Variants in USP49 observed in about 807,000 individuals in gnomAD.
USP49 encodes the protein ubiquitin specific peptidase 49.
In USP49, 24 loss-of-function variants were observed where a neutral mutation model predicts 58.6. That is an observed-to-expected ratio of 0.41 (90% confidence interval 0.30 to 0.58). The LOEUF is 0.58. Ranked by LOEUF, USP49 falls within the 20% of genes least tolerant of loss-of-function variation. The probability of loss-of-function intolerance (pLI) is 0.30; values close to 1 mark genes in which losing one functional copy is unlikely to be tolerated. For missense variants in USP49, 703 were observed against 866.1 expected (o/e 0.81, Z 2.36); for synonymous variants, 408 against 365.1 (o/e 1.12, Z -1.34).
At chr6:41,857,323 T>G (rs1050550688) in intron 3 of USP49, among the ~76,000 whole-genome samples, 2 of 152,332 alleles carry the variant, frequency 1.3e-5, no homozygotes, top group African/African-American at 4.8e-5. Flanking sequence ...GCGTATTATC[T>G]CCTTTTAACC....
intron 1 of USP49, among the ~76,000 whole-genome samples, chr6:41,892,883 A>C (rs190664715): frequency 6.6e-6 from 1 of 152,368 alleles, no homozygotes; most frequent in East Asian, 1.9e-4. Context: ...ATGCAAAACA[A>C]ATATTCATTC....
chr6:41,854,594 T>C (rs770151573), intron 3 of USP49, among the ~76,000 whole-genome samples: 2 of 152,220 alleles, frequency 1.3e-5, no homozygotes, highest in Non-Finnish European at 2.9e-5. Flanking sequence ...ATGTCTCCAA[T>C]GTTCTTGGTG....
At chr6:41,855,960 A>G (rs1271946284) in intron 3 of USP49, among the ~76,000 whole-genome samples, 2 of 152,158 alleles carry the variant, frequency 1.3e-5, no homozygotes, top group African/African-American at 2.4e-5. Context: ...AGGCAGGAGG[A>G]TCGCTTGAAC....
intron 2 of USP49, among the ~76,000 whole-genome samples, chr6:41,880,817 G>A (rs374117167): frequency 1.0e-3 from 159 of 152,160 alleles, no homozygotes; most frequent in Middle Eastern, 3.4e-3. Flanking sequence ...GAAAACAGGG[G>A]GTTCTCCGTA....
intron 3 of USP49, among the ~76,000 whole-genome samples, chr6:41,816,850 G>A (rs1014548222): frequency 3.3e-5 from 5 of 150,674 alleles, no homozygotes; most frequent in South Asian, 2.1e-4. Context: ...AAGCACAGGC[G>A]CGCACCACCA....
intron 3 of USP49, among the ~76,000 whole-genome samples, chr6:41,817,004 C>CTAT (rs893701154): frequency 6.6e-6 from 1 of 151,342 alleles, no homozygotes; most frequent in Non-Finnish European, 1.5e-5. Context: ...CTGCACCTGG[C>CTAT]TATTATTATT....
intron 3 of USP49, among the ~76,000 whole-genome samples, chr6:41,847,653 G>T (rs139979610): frequency 0.017 from 2,560 of 152,150 alleles, 56 homozygotes; most frequent in African/African-American, 0.051. Context: ...GGCGGAGGTT[G>T]CAGTGAGCCA....
At chr6:41,800,833 A>C (rs1449429976) in intron 5 of USP49, among the ~76,000 whole-genome samples, 2 of 152,250 alleles carry the variant, frequency 1.3e-5, no homozygotes, top group Non-Finnish European at 2.9e-5. Context: ...TCAAACATTT[A>C]GAAAATAAAC....
rs1354416071 is a variant in USP49, at chr6:41,796,541, A to G, written c.2059T>C (p.Phe687Leu). Residue 687 changes from phenylalanine (F) to leucine (L), a missense_variant, in exon 8 of 8, where the codon TTT becomes CTT. This residue lies in a region of USP49 where 158 missense variants were observed against 241.2 expected (regional missense o/e 0.66). Coordinates refer to ENST00000682992, the MANE Select transcript of USP49 (RefSeq NM_001286554.2). ...SNNDEGRPQTFS is the reference protein window; with the variant it reads ...SNNDEGRPQTLS ...TGATACATGCCTCCCATTCAGGAAA[A>G]TGTCTGTGGTCTGCCTTCATCATTG... 1 of 717,334 alleles carries G rather than the reference A, an allele frequency of 1.4e-6. No individual in the cohort carries two copies. Among genetic ancestry groups the G allele is most frequent in the East Asian group, 2.7e-5 (1 of 37,284 alleles). 44.4% of individuals were successfully genotyped at this position (717,334 alleles called of 1,614,324 possible).
At chr6:41,861,726 T>A (rs1462389217) in intron 3 of USP49, among the ~76,000 whole-genome samples, 1 of 151,578 alleles carries the variant, frequency 6.6e-6, no homozygotes, top group Non-Finnish European at 1.5e-5. Flanking sequence ...TTTTTTGAGA[T>A]GGAGTCTCAC....
intron 2 of USP49, among the ~76,000 whole-genome samples, chr6:41,873,378 G>T (rs534445609): frequency 6.6e-6 from 1 of 152,328 alleles, no homozygotes. Flanking sequence ...GTGCACTATG[G>T]TGCAAATCAG....
At chr6:41,869,572 T>A (rs1028755789) in intron 3 of USP49, 4 of 151,984 alleles carry the variant, frequency 2.6e-5, no homozygotes, top group African/African-American at 9.7e-5. Context: ...TAGCTGAGCA[T>A]GGTGGCACAC....
At chr6:41,827,216 C>T (rs1773554442) in intron 3 of USP49, among the ~76,000 whole-genome samples, 1 of 152,194 alleles carries the variant, frequency 6.6e-6, no homozygotes, top group Non-Finnish European at 1.5e-5. Context: ...TTCTCACAAA[C>T]TTGAGGCTGA....
At chr6:41,860,091 G>A (rs950320920) in intron 3 of USP49, among the ~76,000 whole-genome samples, 14 of 152,106 alleles carry the variant, frequency 9.2e-5, no homozygotes, top group African/African-American at 3.1e-4. Flanking sequence ...ATCTCCTGAT[G>A]GAAATATACA....
intron 3 of USP49, among the ~76,000 whole-genome samples, chr6:41,855,767 G>A (rs1192878142): frequency 6.6e-6 from 1 of 152,088 alleles, no homozygotes; most frequent in Admixed American, 6.5e-5. Flanking sequence ...GTAATATTAG[G>A]CCAGGCACTG....
chr6:41,801,039 T>C (rs1772987827), intron 5 of USP49, among the ~76,000 whole-genome samples: 1 of 152,232 alleles, frequency 6.6e-6, no homozygotes, highest in South Asian at 2.1e-4. Flanking sequence ...CAAGCAGTCC[T>C]CCCACCTTGG....
intron 3 of USP49, among the ~76,000 whole-genome samples, chr6:41,826,680 T>C (rs1045285418): frequency 2.0e-5 from 3 of 152,010 alleles, no homozygotes; most frequent in South Asian, 4.1e-4. Context: ...CAATAATCCA[T>C]CTGCTAAAAA....
chr6:41,833,891 C>T (rs149505151), intron 3 of USP49, among the ~76,000 whole-genome samples: 136 of 152,352 alleles, frequency 8.9e-4, no homozygotes, highest in African/African-American at 3.2e-3. Context: ...ATCTACGAAG[C>T]TGTTGCTGAA....
chr6:41,859,480 C>T (rs892077442), intron 3 of USP49, among the ~76,000 whole-genome samples: 6 of 152,148 alleles, frequency 3.9e-5, no homozygotes, highest in Non-Finnish European at 7.3e-5. Context: ...TCTCCGAGCA[C>T]GTGTGTACTT....
Sources: allele counts gnomAD v4.1 joint callset (sites outside exome capture counted in the v4.1 genomes callset), GRCh38; gene constraint gnomAD v4.1.1; regional missense constraint gnomAD v4.1.1; transcripts MANE v1.5; gene names NCBI Gene and HGNC (gene_info 2026-07-23, HGNC 2026-07-21).